GALNT14: variants seen among roughly 807,000 people sequenced by gnomAD.
GALNT14 encodes the protein polypeptide N-acetylgalactosaminyltransferase 14.
Under a neutral mutation model 77.5 loss-of-function variants are expected in GALNT14, and 60 were observed. That is an observed-to-expected ratio of 0.77 (90% CI 0.63 to 0.96). The LOEUF (loss-of-function observed/expected upper bound fraction) is 0.96, where lower values mean the gene tolerates loss of function less well. Ranked by LOEUF, GALNT14 falls within the 40% of genes least tolerant of loss-of-function variation. The pLI is 0.00. For synonymous variants in GALNT14, 280 were observed against 281.7 expected (o/e 0.99, Z 0.06); for missense variants, 710 against 731.0 (o/e 0.97, Z 0.33).
chr2:30,948,526 A>G (rs748481251), intron 6 of GALNT14, among the ~76,000 whole-genome samples: 1 of 152,176 alleles, frequency 6.6e-6, no homozygotes, highest in Non-Finnish European at 1.5e-5. Flanking sequence ...CACCCAATAA[A>G]AACCCTGGAT....
the GALNT14 span, among the ~76,000 whole-genome samples, chr2:30,899,909 G>A: frequency 4.4e-4 from 67 of 152,188 alleles, no homozygotes; most frequent in Non-Finnish European, 3.2e-4. Context: ...CAGAGGTCAC[G>A]TCTGCACAGC....
At chr2:31,001,777 A>G in intron 1 of GALNT14, among the ~76,000 whole-genome samples, 1 of 152,200 alleles carries the variant, frequency 6.6e-6, no homozygotes, top group East Asian at 1.9e-4. Context: ...ATAACTGTAG[A>G]TAAAATGTTT....
chr2:31,017,997 G>A (rs1010864431), intron 1 of GALNT14, among the ~76,000 whole-genome samples: 5 of 152,202 alleles, frequency 3.3e-5, no homozygotes, highest in Non-Finnish European at 7.3e-5. Flanking sequence ...TCGGCCTTGG[G>A]GGCTGTACTC....
intron 12 of GALNT14, 56 bp from the exon 13 acceptor site, chr2:30,924,319 C>G: frequency 1.3e-6 from 2 of 1,581,564 alleles, no homozygotes. Flanking sequence ...ATTAGCAAGA[C>G]TACCAGCTGG....
intron 1 of GALNT14, among the ~76,000 whole-genome samples, chr2:31,123,672 G>A (rs1487471443): frequency 1.3e-5 from 2 of 152,172 alleles, no homozygotes; most frequent in East Asian, 3.8e-4. Flanking sequence ...ACAGCTTTAA[G>A]GATGAGATTA....
Position 30,958,473 on chromosome 2 carries a change from T to C in GALNT14, c.399-9A>G, listed in dbSNP as rs762242583. The C allele has an allele frequency of 3.7e-6, 6 of 1,612,936 alleles. No individual in the cohort carries two copies. The highest frequency in any genetic ancestry group is 2.5e-6 in the Non-Finnish European group (3 of 1,179,248). ...GGGTGCGGTTTAATACACTGCAAGATGGAAACAGAAAAAAATCACTGGAAC... is the reference window on the plus strand; with the variant it reads ...GGGTGCGGTTTAATACACTGCAAGACGGAAACAGAAAAAAATCACTGGAAC... On this transcript the variant is annotated splice_polypyrimidine_tract_variant and intron_variant, in intron 3 of 14. Coordinates refer to ENST00000349752, the MANE Select transcript of GALNT14 (RefSeq NM_024572.4).
chr2:31,121,669 A>G (rs928409879), intron 1 of GALNT14, among the ~76,000 whole-genome samples: 3 of 151,748 alleles, frequency 2.0e-5, no homozygotes, highest in African/African-American at 4.8e-5. Flanking sequence ...CCGCCCAATA[A>G]TCTCCCTTTC....
At chr2:31,115,798 T>C (rs1472383340) in intron 1 of GALNT14, among the ~76,000 whole-genome samples, 3 of 152,170 alleles carry the variant, frequency 2.0e-5, no homozygotes, top group African/African-American at 7.2e-5. Context: ...GGCTCACGCC[T>C]GTGAGGCAGG....
At chr2:31,041,410 A>G (rs1179791526) in intron 1 of GALNT14, among the ~76,000 whole-genome samples, 1 of 152,134 alleles carries the variant, frequency 6.6e-6, no homozygotes, top group Non-Finnish European at 1.5e-5. Context: ...GGAAAGATGG[A>G]CAGGATTTGA....
At chr2:30,996,224 G>T (rs1236153314) in intron 1 of GALNT14, among the ~76,000 whole-genome samples, 1 of 152,170 alleles carries the variant, frequency 6.6e-6, no homozygotes, top group African/African-American at 2.4e-5. Flanking sequence ...AGGCAGGAAG[G>T]CCCAGAGAAA....
intron 2 of GALNT14, among the ~76,000 whole-genome samples, chr2:30,974,341 C>T (rs1668521599): frequency 6.6e-6 from 1 of 152,230 alleles, no homozygotes; most frequent in Non-Finnish European, 1.5e-5. Flanking sequence ...TGGCTGTATC[C>T]CTTTTCAATC....
At chr2:31,051,791 T>C (rs1260651019) in intron 1 of GALNT14, among the ~76,000 whole-genome samples, 3 of 152,158 alleles carry the variant, frequency 2.0e-5, no homozygotes, top group Non-Finnish European at 4.4e-5. Flanking sequence ...CTTCCACCGC[T>C]TCCTTGCTCA....
chr2:31,115,888 G>A (rs768613786), intron 1 of GALNT14, among the ~76,000 whole-genome samples: 6 of 152,290 alleles, frequency 3.9e-5, no homozygotes, highest in Non-Finnish European at 8.8e-5. Flanking sequence ...TGAGCATGGT[G>A]GTGCACAACT....
chr2:31,125,026 T>G (rs1200798303), intron 1 of GALNT14: 2 of 657,216 alleles, frequency 3.0e-6, no homozygotes, highest in African/African-American at 1.8e-5. Flanking sequence ...GGATGCAACT[T>G]CTCTCTCCAG....
intron 1 of GALNT14, among the ~76,000 whole-genome samples, chr2:31,130,327 T>C (rs1304008746): frequency 6.6e-6 from 1 of 151,964 alleles, no homozygotes; most frequent in African/African-American, 2.4e-5. Flanking sequence ...CTCTCAGAGG[T>C]GGCTGCTCCT....
At position 31,079,017 on chromosome 2, in the gene GALNT14, T is replaced by A. The variant is rs1009931544; in HGVS notation, c.129+58941A>T. 9 of 1,287,444 alleles carry A rather than the reference T, an allele frequency of 7.0e-6. No homozygotes were observed. In the African/African-American group the frequency reaches 1.2e-4, roughly 17 times the overall value. The allele number at this position is 1,287,444 out of a possible 1,614,324, so 79.8% of individuals were successfully genotyped here. A position where few individuals can be genotyped will look rare whatever the true frequency, so the allele number is the denominator to read the frequency against. Reference sequence around the variant, plus strand: ...CTACAGTGGGCTGCTGAAATTGCATTCAGAACGAAATGGGTAGGCTCAGGT... The same window carrying A: ...CTACAGTGGGCTGCTGAAATTGCATACAGAACGAAATGGGTAGGCTCAGGT... On this transcript the variant is annotated intron_variant, in intron 1 of 14. Coordinates refer to ENST00000349752, the MANE Select transcript of GALNT14 (RefSeq NM_024572.4).
At chr2:31,017,215 G>T (rs913654832) in intron 1 of GALNT14, among the ~76,000 whole-genome samples, 10 of 152,158 alleles carry the variant, frequency 6.6e-5, no homozygotes, top group African/African-American at 2.4e-4. Flanking sequence ...CAACAGATAT[G>T]ACTTGGCCCC....
At chr2:31,130,904 G>A (rs1310120846) in intron 1 of GALNT14, among the ~76,000 whole-genome samples, 3 of 151,890 alleles carry the variant, frequency 2.0e-5, no homozygotes, top group Non-Finnish European at 2.9e-5. Flanking sequence ...TTTATTTTTT[G>A]GTTAATCTAG....
chr2:30,975,875 AAAAG>A (rs1228465069), intron 2 of GALNT14, among the ~76,000 whole-genome samples: 2 of 152,170 alleles, frequency 1.3e-5, no homozygotes, highest in Non-Finnish European at 2.9e-5. Context: ...CATCATTTCA[AAAAG>A]AAAGAGTATT....
Sources: allele counts gnomAD v4.1 joint callset (sites outside exome capture counted in the v4.1 genomes callset), GRCh38; gene constraint gnomAD v4.1.1; transcripts MANE v1.5; gene names NCBI Gene and HGNC (gene_info 2026-07-23, HGNC 2026-07-21).